GBE1: variants seen among roughly 807,000 people sequenced by gnomAD.
GBE1 encodes 1,4-alpha-glucan branching enzyme 1.
A neutral mutation model predicts 88.8 loss-of-function variants in GBE1; 70 were observed. The ratio of observed to expected loss-of-function variants is 0.79; its 90% CI spans 0.65 to 0.96. The LOEUF is 0.96. GBE1 is among the 40% of genes least tolerant of loss of function. The probability of loss-of-function intolerance (pLI) is 0.00; values close to 1 mark genes in which losing one functional copy is unlikely to be tolerated. For synonymous variants in GBE1, 284 were observed against 300.1 expected (o/e 0.95, Z 0.56); for missense variants, 872 against 871.0 (o/e 1.00, Z -0.01).
chr3:81,751,784 C>A (rs1706531231), intron 1 of GBE1, among the ~76,000 whole-genome samples: 1 of 152,154 alleles, frequency 6.6e-6, no homozygotes, highest in Non-Finnish European at 1.5e-5. Context: ...ATGACATGAA[C>A]CTAAATGCAT....
intron 14 of GBE1, among the ~76,000 whole-genome samples, chr3:81,531,679 T>A (rs895743973): frequency 6.6e-6 from 1 of 151,994 alleles, no homozygotes; most frequent in African/African-American, 2.4e-5. Flanking sequence ...TTTATTTTAC[T>A]GTGGCTGAGC....
At chr3:81,510,023 G>A (rs914026737) in intron 14 of GBE1, among the ~76,000 whole-genome samples, 21 of 151,994 alleles carry the variant, frequency 1.4e-4, no homozygotes, top group Non-Finnish European at 2.4e-4. Context: ...ATTCTTAGTT[G>A]ACATGGATAC....
At chr3:81,686,592 C>T (rs939740471) in intron 2 of GBE1, among the ~76,000 whole-genome samples, 2 of 151,868 alleles carry the variant, frequency 1.3e-5, no homozygotes, top group African/African-American at 4.8e-5. Context: ...CCCCATCTCT[C>T]CTAAAAATAC....
intron 13 of GBE1, among the ~76,000 whole-genome samples, chr3:81,535,816 A>G (rs1326228171): frequency 6.6e-6 from 1 of 152,062 alleles, no homozygotes; most frequent in African/African-American, 2.4e-5. Context: ...GTCAGATTCA[A>G]TGGCAACCTA....
At chr3:81,739,086 T>A (rs1393334830) in intron 1 of GBE1, among the ~76,000 whole-genome samples, 4 of 152,078 alleles carry the variant, frequency 2.6e-5, no homozygotes, top group Admixed American at 2.6e-4. Context: ...AAGGTACTAA[T>A]CCCATTAATG....
intron 14 of GBE1, among the ~76,000 whole-genome samples, chr3:81,507,824 C>T (rs1306586501): frequency 6.6e-6 from 1 of 152,028 alleles, no homozygotes; most frequent in African/African-American, 2.4e-5. Flanking sequence ...TAAATGACAA[C>T]CGTACATTTT....
intron 1 of GBE1, chr3:81,743,668 G>A: frequency 7.9e-7 from 1 of 1,268,958 alleles, no homozygotes; most frequent in African/African-American, 1.5e-5. Context: ...AAAGCAGACA[G>A]CAGTCACCTG....
intron 8 of GBE1, among the ~76,000 whole-genome samples, chr3:81,591,848 T>A (rs899146463): frequency 1.3e-5 from 2 of 152,110 alleles, no homozygotes; most frequent in African/African-American, 4.8e-5. Context: ...TAAGTTCTAT[T>A]GATTTTTTTT....
At chr3:81,706,341 G>T (rs1278918441) in intron 1 of GBE1, among the ~76,000 whole-genome samples, 2 of 152,184 alleles carry the variant, frequency 1.3e-5, no homozygotes, top group Non-Finnish European at 2.9e-5. Context: ...GCAAAGAACA[G>T]CACATGCCTG....
At chr3:81,538,688 T>A (rs1036988914) in intron 12 of GBE1, among the ~76,000 whole-genome samples, 1 of 152,014 alleles carries the variant, frequency 6.6e-6, no homozygotes, top group African/African-American at 2.4e-5. Flanking sequence ...AGAATTGCAA[T>A]TGGAGCAATC....
chr3:81,502,941 C>T (rs939368234), intron 14 of GBE1, among the ~76,000 whole-genome samples: 1 of 152,158 alleles, frequency 6.6e-6, no homozygotes, highest in Non-Finnish European at 1.5e-5. Context: ...TAGCAGGACA[C>T]CTTAAAAGGT....
chr3:81,499,179 C>A lies in GBE1; in HGVS notation c.1983G>T (p.Gln661His). The A allele has an allele frequency of 6.2e-7, 1 of 1,612,134 alleles. No homozygotes were observed. Among genetic ancestry groups the A allele is most frequent in the South Asian group, 1.1e-5 (1 of 90,670 alleles). ...AAAAGTCAGTGCTGTGGTCCAGTCT[C>A]TGATGCCCTCCATATTCCGCTGCAT... ...DSDAAEYGGH[Q>H]RLDHSTDFFS... Residue 661 changes from glutamine (Q) to histidine (H), a missense_variant, in exon 15 of 16, where the codon CAG (glutamine) becomes CAT (histidine). Coordinates refer to ENST00000429644, the MANE Select transcript of GBE1 (RefSeq NM_000158.4).
At chr3:81,520,860 T>C (rs903078540) in intron 14 of GBE1, among the ~76,000 whole-genome samples, 1 of 151,518 alleles carries the variant, frequency 6.6e-6, no homozygotes, top group African/African-American at 2.4e-5. Flanking sequence ...TGTTTCTTGA[T>C]TTTTTTCCTA....
chr3:81,581,240 C>A lies in GBE1; in HGVS notation c.1371G>T (p.Met457Ile), dbSNP rs1160545323. ...LKEFKDEDWNMGDIVYTLTNR... is the reference protein window; with the variant it reads ...LKEFKDEDWNIGDIVYTLTNR... ...TTGTGAGCGTGTATACTATATCGCC[C>A]ATGTTCCAGTCTTCATCTTTAAACT... Residue 457 changes from methionine (M) to isoleucine (I), a missense_variant, in exon 11 of 16, where the codon ATG (methionine) becomes ATT (isoleucine). Transcript: ENST00000429644. The A allele has an allele frequency of 1.9e-6, 3 of 1,600,992 alleles. No individual in the cohort carries two copies. Among genetic ancestry groups the A allele is most frequent in the Non-Finnish European group, 2.6e-6 (3 of 1,175,058 alleles).
intron 14 of GBE1, among the ~76,000 whole-genome samples, chr3:81,511,102 T>A (rs964856956): frequency 4.6e-5 from 7 of 151,908 alleles, no homozygotes; most frequent in Non-Finnish European, 1.0e-4. Flanking sequence ...TAATAAATGG[T>A]GCTGGGTAAT....
intron 12 of GBE1, among the ~76,000 whole-genome samples, chr3:81,555,810 G>A (rs1442303177): frequency 6.6e-6 from 1 of 152,108 alleles, no homozygotes; most frequent in African/African-American, 2.4e-5. Context: ...CTTTCCTTCA[G>A]TCAGAAAAGC....
At chr3:81,615,511 T>C (rs1210625275) in intron 7 of GBE1, among the ~76,000 whole-genome samples, 1 of 152,196 alleles carries the variant, frequency 6.6e-6, no homozygotes, top group East Asian at 1.9e-4. Context: ...AGAATGATAA[T>C]ATAAATGGGA....
chr3:81,497,637 C>T (rs2106807615), intron 15 of GBE1, among the ~76,000 whole-genome samples: 1 of 152,230 alleles, frequency 6.6e-6, no homozygotes, highest in Non-Finnish European at 1.5e-5. Context: ...CATAACAGAA[C>T]CCTGTTGGGG....
At chr3:81,497,074 C>A (rs1288569969) in intron 15 of GBE1, among the ~76,000 whole-genome samples, 1 of 152,180 alleles carries the variant, frequency 6.6e-6, no homozygotes, top group Non-Finnish European at 1.5e-5. Flanking sequence ...TGATAATTTA[C>A]AACTGCATTT....
Sources: allele counts gnomAD v4.1 joint callset (sites outside exome capture counted in the v4.1 genomes callset), GRCh38; gene constraint gnomAD v4.1.1; transcripts MANE v1.5; gene names NCBI Gene and HGNC (gene_info 2026-07-23, HGNC 2026-07-21).